HNRNPUL2: variants seen among roughly 807,000 people sequenced by gnomAD.
The protein encoded by HNRNPUL2 is heterogeneous nuclear ribonucleoprotein U-like protein 2.
HNRNPUL2 carries 27 observed loss-of-function variants against 102.2 expected under a neutral mutation model. The observed-to-expected ratio is 0.26, with a 90% confidence interval of 0.19 to 0.36. HNRNPUL2 has a LOEUF of 0.36. Among genes scored for constraint, HNRNPUL2 ranks in the 10% least tolerant of loss-of-function variants. The probability of loss-of-function intolerance (pLI) is 1.00; values close to 1 mark genes in which losing one functional copy is unlikely to be tolerated. For synonymous variants in HNRNPUL2, 458 were observed against 387.2 expected (o/e 1.18, Z -2.15); for missense variants, 936 against 981.1 (o/e 0.95, Z 0.61).
rs1188058852 is a variant in HNRNPUL2, at chr11:62,727,137, T to C, written c.20A>G (p.Lys7Arg). The change falls in exon 1 of 14, where the codon AAA (lysine) becomes AGA (arginine). Residue 7 changes from lysine to arginine, a missense_variant. Transcript: ENST00000301785. MEVKRL[K>R]VTELRSELQR... ...CAGCTCCGACCGCAGCTCGGTCACT[T>C]TCAGCCGCTTCACCTCCATCGCCGC... The C allele has an allele frequency of 2.1e-6, 3 of 1,443,890 alleles. No homozygotes were observed. Among genetic ancestry groups the C allele is most frequent in the Non-Finnish European group, 2.7e-6 (3 of 1,100,844 alleles). The allele number at this position is 1,443,890 out of a possible 1,614,324, so 89.4% of individuals were successfully genotyped here. A position where few individuals can be genotyped will look rare whatever the true frequency, so the allele number is the denominator to read the frequency against.
Position 62,724,292 on chromosome 11 carries a change from G to A in HNRNPUL2, c.673C>T (p.Arg225Cys), listed in dbSNP as rs1263291456. 14 of 1,614,120 alleles carry A rather than the reference G, an allele frequency of 8.7e-6. No homozygotes were observed. Among genetic ancestry groups the A allele is most frequent in the East Asian group, 2.2e-5 (1 of 44,886 alleles). Residue 225 changes from arginine (R) to cysteine (C), a missense_variant and splice_region_variant, in exon 2 of 14, where the codon CGC (arginine) becomes TGC (cysteine). Arg to Cys is a radical substitution (Grantham distance 180). Around this residue, in one of 2 missense-constraint regions of HNRNPUL2, gnomAD observed 609 missense variants for 713.0 expected, o/e 0.85. Transcript: ENST00000301785. ...YEFREEAYHS[R>C]SKSPLPPEEE... The stretch of plus-strand genomic sequence containing the variant: ...AACGAAAGGGACTGTTTCCCTCACC[G>A]GCTGTGGTAAGCCTCCTCTCGGAAT...
intron 11 of HNRNPUL2, among the ~76,000 whole-genome samples, chr11:62,716,551 C>G (rs548036634): frequency 3.3e-5 from 5 of 152,216 alleles, no homozygotes; most frequent in African/African-American, 9.6e-5. Flanking sequence ...TTCTTCCCCC[C>G]ACAAAAAACA....
chr11:62,721,682 C>A, intron 8 of HNRNPUL2, 138 bp downstream of exon 8: 1 of 1,126,728 alleles, frequency 8.9e-7, no homozygotes, highest in Non-Finnish European at 1.3e-6. Flanking sequence ...ATCAATCCAC[C>A]TAAAACGCAT....
intron 1 of HNRNPUL2, among the ~76,000 whole-genome samples, chr11:62,726,058 T>C (rs1025958477): frequency 6.6e-6 from 1 of 152,216 alleles, no homozygotes; most frequent in Non-Finnish European, 1.5e-5. Flanking sequence ...ACTGGTTAAC[T>C]ATTAAACTCG....
rs748202387 is a variant in HNRNPUL2 at position 62,722,131 on chromosome 11, T to C, written c.1345A>G (p.Ile449Val). The change falls in exon 7 of 14, where the codon ATA becomes GTA. Residue 449 changes from isoleucine (I) to valine (V), a missense_variant. Ile to Val is a conservative substitution (Grantham distance 29). Coordinates refer to ENST00000301785, the MANE Select transcript of HNRNPUL2 (RefSeq NM_001079559.3). ...RVRTAVPPKT[I>V]EECEVILMVG... Reference sequence around the variant, plus strand: ...GTTTGGCATACCTCACATTCCTCTATGGTCTTGGGAGGGACTGCAGTGCGT... The same window carrying C: ...GTTTGGCATACCTCACATTCCTCTACGGTCTTGGGAGGGACTGCAGTGCGT... The C allele has an allele frequency of 1.8e-5, 29 of 1,613,914 alleles. No individual in the cohort carries two copies. Among genetic ancestry groups the C allele is most frequent in the African/African-American group, 2.7e-5 (2 of 75,056 alleles).
chr11:62,719,376 AG>A (rs1327873157), intron 10 of HNRNPUL2, among the ~76,000 whole-genome samples: 1 of 152,126 alleles, frequency 6.6e-6, no homozygotes, highest in Non-Finnish European at 1.5e-5. Flanking sequence ...ACTTGAACCC[AG>A]GAGGTGGACG....
intron 3 of HNRNPUL2, 62 bp from the exon 4 acceptor site, chr11:62,723,788 CA>C: frequency 1.9e-6 from 3 of 1,608,674 alleles, no homozygotes; most frequent in Non-Finnish European, 2.6e-6. Context: ...GCCAACAGAG[CA>C]TAAGTATACC....
At position 62,722,294 on chromosome 11, in the gene HNRNPUL2, C is replaced by T; in HGVS notation, c.1182G>A (p.Leu394=). 1 of 1,614,112 alleles carries T rather than the reference C, an allele frequency of 6.2e-7. No individual in the cohort carries two copies. ...CATGGGGTAGAAGGGCCCGGTCTGC[C>T]AGGGAATCCTTGCTGATCCAGAATG... The part of the protein sequence containing the change: ...GVAFWISKDS[L]ADRALLPHVL... The change falls in exon 7 of 14, where the codon CTG becomes CTA. Residue 394 remains leucine, a synonymous_variant. Transcript: ENST00000301785.
intron 10 of HNRNPUL2, among the ~76,000 whole-genome samples, chr11:62,718,847 G>A (rs1051674829): frequency 6.7e-6 from 1 of 149,464 alleles, no homozygotes; most frequent in African/African-American, 2.5e-5. Context: ...TTTTGAGACC[G>A]AGTCTTCTCA....
chr11:62,715,725 C>T (rs935200383), intron 12 of HNRNPUL2, 118 bp from the exon 13 acceptor site: 15 of 1,149,810 alleles, frequency 1.3e-5, no homozygotes, highest in Middle Eastern at 2.2e-4. Context: ...GTTTAATTTT[C>T]CCATAGTAAA....
chr11:62,723,488 T>A, intron 4 of HNRNPUL2, 99 bp downstream of exon 4: 3 of 1,296,812 alleles, frequency 2.3e-6, no homozygotes, highest in Non-Finnish European at 3.2e-6. Flanking sequence ...CGAAACTCCA[T>A]CTCAAAAAAA....
chr11:62,725,237 G>A (rs1322400189), intron 1 of HNRNPUL2, among the ~76,000 whole-genome samples: 2 of 151,994 alleles, frequency 1.3e-5, no homozygotes, highest in East Asian at 1.9e-4. Flanking sequence ...TCGTTCTGTC[G>A]CCCAGGCTGG....
intron 6 of HNRNPUL2, 42 bp from the exon 7 acceptor site, chr11:62,722,422 C>T (rs1282420689): frequency 1.9e-6 from 3 of 1,595,516 alleles, no homozygotes; most frequent in Non-Finnish European, 2.6e-6. Flanking sequence ...GCTGACGAGG[C>T]TTTGGGTTGA....
intron 10 of HNRNPUL2, 114 bp from the exon 11 acceptor site, chr11:62,717,303 CAAAA>C: frequency 1.4e-6 from 1 of 735,872 alleles, no homozygotes. Context: ...TATTACTGCA[CAAAA>C]ATGTGCTACG....
Position 62,715,879 on chromosome 11 carries a change from C to T in HNRNPUL2, c.2040G>A (p.Gln680=), listed in dbSNP as rs1429755392. 1.2e-6 allele frequency: 2 copies of T among 1,613,878 alleles called. No homozygotes were observed. The highest frequency in any genetic ancestry group is 1.7e-6 in the Non-Finnish European group (2 of 1,179,972). The change falls in exon 12 of 14, where the codon CAG becomes CAA. Residue 680 remains glutamine (Q), a synonymous_variant. Coordinates refer to ENST00000301785, the MANE Select transcript of HNRNPUL2 (RefSeq NM_001079559.3). Reference sequence around the variant, plus strand: ...CTGCACTCACCCCTCTGTTTCCAGGCTGCCCCCAGTACTGCTGCCCGTAGG... The same window carrying T: ...CTGCACTCACCCCTCTGTTTCCAGGTTGCCCCCAGTACTGCTGCCCGTAGG... The part of the protein sequence containing the change: ...NRAYGQQYWG[Q]PGNRGGYRNF...
chr11:62,715,076 A>G lies in HNRNPUL2; in HGVS notation c.*223T>C. ...TTTGAAATGTTTTATAGAATAAGAC[A>G]ATATTCTTTTCAACAAACTTTAAAA... is the stretch of plus-strand genomic sequence containing the variant. On this transcript the variant is annotated 3_prime_UTR_variant, in exon 14 of 14. Coordinates refer to ENST00000301785, the MANE Select transcript of HNRNPUL2 (RefSeq NM_001079559.3). 1 of 551,008 alleles carries G rather than the reference A, an allele frequency of 1.8e-6. No homozygotes were observed. Among genetic ancestry groups the G allele is most frequent in the Non-Finnish European group, 3.2e-6 (1 of 308,914 alleles). The allele number at this position is 551,008 out of a possible 1,614,324, so 34.1% of individuals were successfully genotyped here. A position where few individuals can be genotyped will look rare whatever the true frequency, so the allele number is the denominator to read the frequency against.
rs574062397 is a variant in HNRNPUL2, at chr11:62,727,242, G to A, written c.-86C>T. 245 of 1,297,672 alleles carry A rather than the reference G, an allele frequency of 1.9e-4. No individual in the cohort carries two copies. The African/African-American group carries it at 2.8e-3, about 15-fold the overall frequency. The allele number at this position is 1,297,672 out of a possible 1,614,324, so 80.4% of individuals were successfully genotyped here. A position where few individuals can be genotyped will look rare whatever the true frequency, so the allele number is the denominator to read the frequency against. On this transcript the variant is annotated 5_prime_UTR_variant, in exon 1 of 14. Coordinates refer to ENST00000301785, the MANE Select transcript of HNRNPUL2 (RefSeq NM_001079559.3). ...CGACCGCGCAGGCGCCGCCGCCGCCGCCCGCCTCCGCCTCACGCGCCAGCA... is the reference window on the plus strand; with the variant it reads ...CGACCGCGCAGGCGCCGCCGCCGCCACCCGCCTCCGCCTCACGCGCCAGCA...
chr11:62,715,474 T>C (rs1456612006), intron 13 of HNRNPUL2, 26 bp downstream of exon 13: 3 of 1,587,716 alleles, frequency 1.9e-6, no homozygotes, highest in Non-Finnish European at 2.6e-6. Context: ...CCCTTCACCC[T>C]GTGTCTATCC....
chr11:62,716,424 C>T (rs2083660969), intron 11 of HNRNPUL2, among the ~76,000 whole-genome samples: 1 of 152,160 alleles, frequency 6.6e-6, no homozygotes, highest in Non-Finnish European at 1.5e-5. Context: ...AACAGTTACA[C>T]ACACACATAC....
Sources: gnomAD v4.1 joint callset for allele counts (sites outside exome capture counted in the v4.1 genomes callset) on GRCh38, gnomAD v4.1.1 for gene constraint, gnomAD v4.1.1 regional missense constraint, MANE v1.5 for transcripts, NCBI Gene and HGNC (gene_info 2026-07-23, HGNC 2026-07-21) for gene names.